NPSR1: variants seen among roughly 807,000 people sequenced by gnomAD.
NPSR1 encodes the protein neuropeptide S receptor.
In NPSR1, 48 loss-of-function variants were observed where a neutral mutation model predicts 46.9. The ratio of observed to expected loss-of-function variants is 1.02; its 90% CI spans 0.81 to 1.30. NPSR1 has a LOEUF of 1.30. Among genes scored for constraint, NPSR1 ranks in the 50% most tolerant of loss-of-function variants. The pLI is 0.00. For synonymous variants in NPSR1, 176 were observed against 168.1 expected (o/e 1.05, Z -0.36); for missense variants, 450 against 449.5 (o/e 1.00, Z -0.01).
At chr7:34,723,172 C>T (rs1783952957) in intron 2 of NPSR1, 1 of 152,528 alleles carries the variant, frequency 6.6e-6, no homozygotes, top group South Asian at 2.1e-4. Context: ...GGGTTATTCT[C>T]TGTTATGTGC....
At chr7:34,805,974 G>C (rs567032156) in intron 3 of NPSR1, among the ~76,000 whole-genome samples, 7 of 151,952 alleles carry the variant, frequency 4.6e-5, no homozygotes, top group African/African-American at 1.4e-4. Flanking sequence ...ACAACAGTGA[G>C]ACAACACTAC....
At chr7:34,738,732 T>C (rs1784800497) in intron 2 of NPSR1, among the ~76,000 whole-genome samples, 1 of 152,230 alleles carries the variant, frequency 6.6e-6, no homozygotes, top group Non-Finnish European at 1.5e-5. Flanking sequence ...AACATCTTTT[T>C]ATTTTAATTG....
At chr7:34,832,219 T>TAA (rs1790153509) in intron 5 of NPSR1, among the ~76,000 whole-genome samples, 2 of 152,124 alleles carry the variant, frequency 1.3e-5, no homozygotes, top group Admixed American at 6.5e-5. Flanking sequence ...TGCAATCTGA[T>TAA]TGATCAGATA....
chr7:34,675,304 C>T (rs1431894448), intron 1 of NPSR1, among the ~76,000 whole-genome samples: 1 of 152,200 alleles, frequency 6.6e-6, no homozygotes, highest in South Asian at 2.1e-4. Flanking sequence ...CAAATTATTT[C>T]ATTCCCTTTC....
At chr7:34,741,285 C>T (rs1784928088) in intron 2 of NPSR1, among the ~76,000 whole-genome samples, 1 of 152,114 alleles carries the variant, frequency 6.6e-6, no homozygotes, top group Non-Finnish European at 1.5e-5. Context: ...ATCTCTCTGC[C>T]TTCCTCTAAG....
intron 2 of NPSR1, among the ~76,000 whole-genome samples, chr7:34,734,407 GGA>G (rs1784573704): frequency 6.6e-6 from 1 of 152,076 alleles, no homozygotes; most frequent in Non-Finnish European, 1.5e-5. Context: ...GGATGGGAAT[GGA>G]GAAACAGGCA....
chr7:34,731,236 A>G (rs1275207992), intron 2 of NPSR1, among the ~76,000 whole-genome samples: 1 of 152,200 alleles, frequency 6.6e-6, no homozygotes, highest in Non-Finnish European at 1.5e-5. Context: ...TCTACAAATC[A>G]ATAAGTAGAA....
intron 6 of NPSR1, among the ~76,000 whole-genome samples, chr7:34,837,871 T>C (rs192888490): frequency 6.6e-6 from 1 of 152,334 alleles, no homozygotes; most frequent in African/African-American, 2.4e-5. Context: ...AGGTTTTGTT[T>C]TGATATATTT....
intron 2 of NPSR1, among the ~76,000 whole-genome samples, chr7:34,693,421 C>T (rs1793363765): frequency 6.6e-6 from 1 of 152,086 alleles, no homozygotes; most frequent in African/African-American, 2.4e-5. Flanking sequence ...CAGAAACATA[C>T]AACCCCCTAA....
At chr7:34,792,729 A>ATATATATATTTATATATATATG (rs1787991074) in intron 3 of NPSR1, among the ~76,000 whole-genome samples, 1 of 130,944 alleles carries the variant, frequency 7.6e-6, no homozygotes, top group Non-Finnish European at 1.6e-5. Context: ...ATATATATAT[A>ATATATATATTTATATATATATG]TATATTAGCC....
intron 1 of NPSR1, among the ~76,000 whole-genome samples, chr7:34,665,500 T>G (rs372331893): frequency 1.3e-5 from 2 of 152,314 alleles, no homozygotes; most frequent in East Asian, 3.9e-4. Context: ...CCTACTGGCC[T>G]TTCACATTCT....
chr7:34,788,210 T>C (rs1003123126), intron 3 of NPSR1, among the ~76,000 whole-genome samples: 10 of 152,052 alleles, frequency 6.6e-5, no homozygotes, highest in African/African-American at 2.2e-4. Flanking sequence ...TCGCTCGTTA[T>C]AAGACATTCC....
intron 2 of NPSR1, 101 bp from the exon 3 acceptor site, chr7:34,778,361 G>A: frequency 1.6e-6 from 1 of 626,858 alleles, no homozygotes; most frequent in East Asian, 3.1e-5. Context: ...AATTAAAAAT[G>A]AACCTCCCCA....
intron 6 of NPSR1, among the ~76,000 whole-genome samples, chr7:34,836,083 C>T (rs555321328): frequency 2.3e-3 from 344 of 152,282 alleles, no homozygotes; most frequent in African/African-American, 8.0e-3. Context: ...TTTCAACCCA[C>T]GAAGACCCAG....
chr7:34,687,067 T>A (rs538603529), intron 2 of NPSR1, among the ~76,000 whole-genome samples: 2 of 151,398 alleles, frequency 1.3e-5, no homozygotes, highest in Non-Finnish European at 3.0e-5. Flanking sequence ...AAAATTTTAA[T>A]ACTTTCCTCT....
chr7:34,696,470 A>G (rs944990328), intron 2 of NPSR1, among the ~76,000 whole-genome samples: 16 of 152,254 alleles, frequency 1.1e-4, no homozygotes, highest in African/African-American at 3.6e-4. Context: ...AACTGCACAC[A>G]TATGCCTGGA....
intron 4 of NPSR1, among the ~76,000 whole-genome samples, chr7:34,823,399 G>GAAAAAAAACAAAAAAAAAA (rs1789656511): frequency 1.5e-5 from 1 of 68,272 alleles, no homozygotes; most frequent in Non-Finnish European, 3.0e-5. Flanking sequence ...GACTTCACCA[G>GAAAAAAAACAAAAAAAAAA]AAAAAAAAAA....
At chr7:34,752,104 A>C in intron 2 of NPSR1, 1 of 548,124 alleles carries the variant, frequency 1.8e-6, no homozygotes, top group Non-Finnish European at 3.3e-6. Flanking sequence ...AATTATTGCC[A>C]GACCAACTTA....
At chr7:34,812,106 G>T (rs1234360450) in intron 4 of NPSR1, among the ~76,000 whole-genome samples, 1 of 152,118 alleles carries the variant, frequency 6.6e-6, no homozygotes, top group East Asian at 1.9e-4. Flanking sequence ...ACAGCCCAGA[G>T]CCACTAAGGA....
Sources: gnomAD v4.1 joint callset for allele counts (sites outside exome capture counted in the v4.1 genomes callset) on GRCh38, gnomAD v4.1.1 for gene constraint, MANE v1.5 for transcripts, NCBI Gene and HGNC (gene_info 2026-07-23, HGNC 2026-07-21) for gene names.